LRP1B: variants seen among roughly 807,000 people sequenced by gnomAD.
The protein encoded by LRP1B is LDL receptor related protein 1B, also known as low-density lipoprotein receptor-related protein 1B.
A neutral mutation model predicts 556.6 loss-of-function variants in LRP1B; 217 were observed. The ratio of observed to expected loss-of-function variants is 0.39; its 90% CI spans 0.35 to 0.44. The LOEUF is 0.44. Ranked by LOEUF, LRP1B falls within the 20% of genes least tolerant of loss-of-function variation. LRP1B has a pLI of 1.00. For missense variants in LRP1B, 5,053 were observed against 5,620.8 expected, an observed-to-expected ratio of 0.90 and a Z score of 3.23; for synonymous variants, 2,047 against 1,865.8, an observed-to-expected ratio of 1.10 and a Z score of -2.50.
chr2:140,820,925 A>AAG (rs1691307020), intron 31 of LRP1B, among the ~76,000 whole-genome samples: 1 of 148,436 alleles, frequency 6.7e-6, no homozygotes, highest in African/African-American at 2.5e-5. Flanking sequence ...AAAAAAAAAA[A>AAG]AAGTATTTTT....
At chr2:141,630,006 C>T (rs901099538) in intron 2 of LRP1B, among the ~76,000 whole-genome samples, 2 of 151,986 alleles carry the variant, frequency 1.3e-5, no homozygotes, top group African/African-American at 4.8e-5. Flanking sequence ...TCAAAAGCAC[C>T]CACAAAAATA....
At chr2:141,367,128 G>A (rs1689068703) in intron 3 of LRP1B, among the ~76,000 whole-genome samples, 1 of 152,102 alleles carries the variant, frequency 6.6e-6, no homozygotes, top group Non-Finnish European at 1.5e-5. Flanking sequence ...AAATATATAA[G>A]AGAAGGCTAC....
At chr2:141,259,993 A>G (rs1684626346) in intron 3 of LRP1B, among the ~76,000 whole-genome samples, 1 of 152,130 alleles carries the variant, frequency 6.6e-6, no homozygotes, top group Admixed American at 6.5e-5. Context: ...ACTATAAGCA[A>G]TTTGGTGCTG....
At position 140,358,759 on chromosome 2, in the gene LRP1B, A is replaced by G; in HGVS notation, c.11257+62T>C. On this transcript the variant is annotated intron_variant, in intron 73 of 90. Coordinates refer to ENST00000389484, the MANE Select transcript of LRP1B (RefSeq NM_018557.3). Reference sequence around the variant, plus strand: ...GAAATGTATTTTTTAAAATGTTTGTACTCCAAGTCATCAGAGAACCTCATA... The same window carrying G: ...GAAATGTATTTTTTAAAATGTTTGTGCTCCAAGTCATCAGAGAACCTCATA... 15 of 1,555,368 alleles carry G rather than the reference A, an allele frequency of 9.6e-6. No individual in the cohort carries two copies. In the South Asian group the frequency reaches 1.5e-4, roughly 15 times the overall value.
chr2:141,066,079 A>C (rs934174936), intron 7 of LRP1B, among the ~76,000 whole-genome samples: 4 of 152,024 alleles, frequency 2.6e-5, no homozygotes, highest in Non-Finnish European at 4.4e-5. Flanking sequence ...AGTTTCCACT[A>C]ACAAAAATTA....
chr2:141,418,099 T>G (rs1433683939), intron 3 of LRP1B, among the ~76,000 whole-genome samples: 1 of 152,164 alleles, frequency 6.6e-6, no homozygotes, highest in Non-Finnish European at 1.5e-5. Flanking sequence ...TTAGTTGTTG[T>G]TTGCTATTGA....
intron 2 of LRP1B, among the ~76,000 whole-genome samples, chr2:141,489,978 A>G (rs1683269430): frequency 6.6e-6 from 1 of 152,144 alleles, no homozygotes; most frequent in African/African-American, 2.4e-5. Context: ...ACATATTTCA[A>G]ATGGATGTTG....
intron 1 of LRP1B, among the ~76,000 whole-genome samples, chr2:141,825,389 A>G (rs1002101436): frequency 6.6e-6 from 1 of 152,176 alleles, no homozygotes; most frequent in Non-Finnish European, 1.5e-5. Context: ...AGTATTCTCC[A>G]GAATCAAAGC....
chr2:141,864,051 C>T (rs182412282), intron 1 of LRP1B, among the ~76,000 whole-genome samples: 2 of 152,014 alleles, frequency 1.3e-5, no homozygotes, highest in African/African-American at 4.8e-5. Flanking sequence ...GAAACAGTTA[C>T]AACATGTTGA....
In LRP1B at chr2:141,552,450, C is replaced by A. The variant is rs76497358; in HGVS notation, c.206-71917G>T. On this transcript the variant is annotated intron_variant, in intron 2 of 90. Coordinates refer to ENST00000389484, the MANE Select transcript of LRP1B (RefSeq NM_018557.3). The stretch of plus-strand genomic sequence containing the variant: ...AAAACAAATCATAGACTCCAAATTT[C>A]ATTTTAAGTAATAGTAAAATTATAG... 3.0e-3 allele frequency among the ~76,000 whole-genome samples: 456 copies of A among 152,026 alleles called. 2 individuals carry two copies. The highest frequency in any genetic ancestry group is 5.1e-3 in the Non-Finnish European group (347 of 67,900).
intron 35 of LRP1B, among the ~76,000 whole-genome samples, chr2:140,764,793 A>G (rs1055411567): frequency 3.9e-5 from 6 of 152,086 alleles, no homozygotes. Flanking sequence ...TCCATAGTTT[A>G]TATTAGCATC....
intron 35 of LRP1B, among the ~76,000 whole-genome samples, chr2:140,741,517 T>C (rs1688136906): frequency 6.6e-6 from 1 of 152,108 alleles, no homozygotes; most frequent in Non-Finnish European, 1.5e-5. Flanking sequence ...TGGGTACATG[T>C]GCAGGTTTGT....
intron 35 of LRP1B, among the ~76,000 whole-genome samples, chr2:140,719,839 T>C (rs773533147): frequency 1.3e-5 from 2 of 152,044 alleles, no homozygotes; most frequent in Admixed American, 6.6e-5. Flanking sequence ...AAATCACACA[T>C]TGATACCCAA....
intron 3 of LRP1B, among the ~76,000 whole-genome samples, chr2:141,389,143 T>C (rs11892265): frequency 0.014 from 2,086 of 152,232 alleles, 42 homozygotes; most frequent in African/African-American, 0.047. Flanking sequence ...CAAATTCTTA[T>C]GGAATTACAA....
chr2:140,254,537 T>C (rs1172746321), intron 86 of LRP1B, among the ~76,000 whole-genome samples: 3 of 151,884 alleles, frequency 2.0e-5, no homozygotes, highest in Non-Finnish European at 4.4e-5. Flanking sequence ...TTTTTGTTTG[T>C]TTGTTTGTTT....
chr2:140,966,183 T>C (rs1482645722), intron 18 of LRP1B, among the ~76,000 whole-genome samples: 4 of 152,284 alleles, frequency 2.6e-5, no homozygotes, highest in Middle Eastern at 3.4e-3. Context: ...AGTGTAAAAG[T>C]GTTCCTATTT....
intron 1 of LRP1B, among the ~76,000 whole-genome samples, chr2:142,114,484 A>G (rs1160095865): frequency 3.3e-5 from 5 of 152,196 alleles, no homozygotes; most frequent in Non-Finnish European, 4.4e-5. Context: ...TTATTGCAGC[A>G]CTATTCATAA....
At chr2:140,675,367 T>C (rs1685635372) in intron 41 of LRP1B, among the ~76,000 whole-genome samples, 1 of 152,222 alleles carries the variant, frequency 6.6e-6, no homozygotes, top group South Asian at 2.1e-4. Flanking sequence ...TTGCCAAACA[T>C]GCATTTTAAG....
intron 29 of LRP1B, among the ~76,000 whole-genome samples, chr2:140,847,214 T>C (rs936466266): frequency 2.0e-5 from 3 of 152,258 alleles, no homozygotes; most frequent in South Asian, 2.1e-4. Context: ...TCCCAACCCA[T>C]AGAACTCTCT....
Sources: gnomAD v4.1 joint callset for allele counts (sites outside exome capture counted in the v4.1 genomes callset) on GRCh38, gnomAD v4.1.1 for gene constraint, MANE v1.5 for transcripts, NCBI Gene and HGNC (gene_info 2026-07-23, HGNC 2026-07-21) for gene names.